GBE1: variants seen among roughly 807,000 people sequenced by gnomAD.
The protein encoded by GBE1 is 1,4-alpha-glucan-branching enzyme.
Under a neutral mutation model 88.8 loss-of-function variants are expected in GBE1, and 70 were observed. The observed-to-expected ratio is 0.79, with a 90% confidence interval of 0.65 to 0.96. The LOEUF is 0.96. Among genes scored for constraint, GBE1 ranks in the 40% least tolerant of loss-of-function variants. The pLI, the probability that GBE1 is intolerant of heterozygous loss-of-function variation, is 0.00. For missense variants in GBE1, 872 were observed against 871.0 expected (o/e 1.00, Z -0.01); for synonymous variants, 284 against 300.1 (o/e 0.95, Z 0.56).
intron 14 of GBE1, among the ~76,000 whole-genome samples, chr3:81,500,559 T>G (rs1169728086): frequency 1.3e-5 from 2 of 152,194 alleles, no homozygotes; most frequent in East Asian, 1.9e-4. Context: ...AAAATACCAA[T>G]TAATGAATTA....
chr3:81,574,571 T>C (rs1179802760), intron 12 of GBE1, among the ~76,000 whole-genome samples: 7 of 152,206 alleles, frequency 4.6e-5, no homozygotes, highest in African/African-American at 9.7e-5. Flanking sequence ...CATGTATTTG[T>C]GGCTAACTAA....
At chr3:81,723,304 TG>T (rs1214701054) in intron 1 of GBE1, among the ~76,000 whole-genome samples, 1 of 150,636 alleles carries the variant, frequency 6.6e-6, no homozygotes, top group Non-Finnish European at 1.5e-5. Context: ...GGTTTCACCA[TG>T]TTAGCCAGGA....
intron 5 of GBE1, among the ~76,000 whole-genome samples, chr3:81,646,697 T>A (rs569020850): frequency 6.6e-6 from 1 of 152,320 alleles, no homozygotes; most frequent in Non-Finnish European, 1.5e-5. Context: ...AGCTATTTGA[T>A]ATAGCTTCAT....
intron 10 of GBE1, 81 bp from the exon 11 acceptor site, chr3:81,581,356 T>G: frequency 1.3e-6 from 1 of 764,694 alleles, no homozygotes; most frequent in Non-Finnish European, 2.1e-6. Context: ...AGTTATGCAT[T>G]ATATCAGTGC....
chr3:81,551,833 C>T (rs1428426196), intron 12 of GBE1, among the ~76,000 whole-genome samples: 1 of 152,178 alleles, frequency 6.6e-6, no homozygotes, highest in African/African-American at 2.4e-5. Context: ...ATTCAGGGTT[C>T]ACAGTGATAT....
intron 2 of GBE1, among the ~76,000 whole-genome samples, chr3:81,674,748 T>A (rs916882805): frequency 6.6e-6 from 1 of 151,858 alleles, no homozygotes; most frequent in Admixed American, 6.6e-5. Flanking sequence ...TATAAAAAAA[T>A]CAGGTTACTC....
intron 2 of GBE1, among the ~76,000 whole-genome samples, chr3:81,702,122 TG>T (rs1705702356): frequency 7.3e-6 from 1 of 137,412 alleles, no homozygotes; most frequent in Non-Finnish European, 1.6e-5. Context: ...TGTGTGTGTG[TG>T]TGTGTGTGTG....
In GBE1 at chr3:81,511,666, T is replaced by C. The variant is rs1702726845; in HGVS notation, c.1935-12439A>G. Among the ~76,000 whole-genome samples the C allele has an allele frequency of 2.6e-5, 4 of 151,972 alleles. No homozygotes were observed. In the South Asian group the frequency reaches 8.3e-4, roughly 32 times the overall value. The stretch of plus-strand genomic sequence containing the variant: ...TTTACACCAGACACAATGGCTATTA[T>C]TAAAAAGTCAAAAAACAACAGATGC... On this transcript the variant is annotated intron_variant, in intron 14 of 15. Transcript: ENST00000429644.
At chr3:81,526,527 A>C (rs1296085971) in intron 14 of GBE1, among the ~76,000 whole-genome samples, 2 of 152,142 alleles carry the variant, frequency 1.3e-5, no homozygotes, top group Non-Finnish European at 2.9e-5. Context: ...GCAAAGTCTC[A>C]GGATGCAAAA....
At chr3:81,521,038 T>C (rs1369448479) in intron 14 of GBE1, among the ~76,000 whole-genome samples, 1 of 151,522 alleles carries the variant, frequency 6.6e-6, no homozygotes, top group Non-Finnish European at 1.5e-5. Flanking sequence ...TAGTGTTTCT[T>C]CTACCTTGCC....
rs182603101 is a variant in GBE1, at chr3:81,525,028, C to G, written c.1934+10167G>C. 1.3e-5 allele frequency among the ~76,000 whole-genome samples: 2 copies of G among 151,918 alleles called. 1 individual carries two copies. The highest frequency in any genetic ancestry group is 3.9e-4 in the East Asian group (2 of 5,130). ...GTATGGTCATTGGTATACGGCCATTCAGGAATATATTGTTCTATTTGAATG... is the reference window on the plus strand; with the variant it reads ...GTATGGTCATTGGTATACGGCCATTGAGGAATATATTGTTCTATTTGAATG... On this transcript the variant is annotated intron_variant, in intron 14 of 15. Transcript: ENST00000429644.
chr3:81,544,822 G>A (rs1703184650), intron 12 of GBE1, among the ~76,000 whole-genome samples: 1 of 152,138 alleles, frequency 6.6e-6, no homozygotes, highest in South Asian at 2.1e-4. Flanking sequence ...CTGGTACAGT[G>A]ATGAAATTCA....
chr3:81,756,264 T>C (rs1011229046), intron 1 of GBE1, among the ~76,000 whole-genome samples: 9 of 152,174 alleles, frequency 5.9e-5, no homozygotes, highest in African/African-American at 1.9e-4. Flanking sequence ...GAGCATATAT[T>C]CCCCTTACCC....
chr3:81,702,098 AGAGAGT>A lies in GBE1; in HGVS notation c.313+3340_313+3345del, dbSNP rs1403555431. Among the ~76,000 whole-genome samples, 13 of 40,782 alleles carry A rather than the reference AGAGAGT, an allele frequency of 3.2e-4. No homozygotes were observed. In the South Asian group the frequency reaches 4.0e-3, roughly 13 times the overall value. 26.8% of individuals were successfully genotyped at this position (40,782 alleles called of 152,430 possible). A position where few individuals can be genotyped will look rare whatever the true frequency, so the allele number is the denominator to read the frequency against. On this transcript the variant is annotated intron_variant, in intron 2 of 15. Transcript: ENST00000429644. ...AGAATCCCTGGAGAGAGAGAGAGAG[AGAGAGT>A]GTGTGTGTGTGTGTGTGTGTGTGTG... is the stretch of plus-strand genomic sequence containing the variant.
chr3:81,507,947 G>A (rs1702676114), intron 14 of GBE1, among the ~76,000 whole-genome samples: 1 of 152,156 alleles, frequency 6.6e-6, no homozygotes, highest in African/African-American at 2.4e-5. Context: ...CTGCAAGTAT[G>A]CTTCTTCGGC....
At chr3:81,640,880 T>G (rs913009998) in intron 7 of GBE1, among the ~76,000 whole-genome samples, 19 of 152,050 alleles carry the variant, frequency 1.2e-4, no homozygotes, top group African/African-American at 4.1e-4. Flanking sequence ...ATAGGATGCT[T>G]TATTTACCAA....
At chr3:81,579,126 T>C (rs964102477) in intron 11 of GBE1, among the ~76,000 whole-genome samples, 2 of 152,028 alleles carry the variant, frequency 1.3e-5, no homozygotes, top group African/African-American at 4.8e-5. Flanking sequence ...CTTATTCTCA[T>C]ACCAAGTTGC....
intron 1 of GBE1, among the ~76,000 whole-genome samples, chr3:81,754,298 A>T (rs1413272978): frequency 6.6e-6 from 1 of 152,166 alleles, no homozygotes; most frequent in African/African-American, 2.4e-5. Context: ...CTCTGATGAA[A>T]GAAATACAAG....
intron 7 of GBE1, among the ~76,000 whole-genome samples, chr3:81,631,942 A>G (rs1704518974): frequency 6.6e-6 from 1 of 152,030 alleles, no homozygotes; most frequent in South Asian, 2.1e-4. Context: ...ATTTCTCCAA[A>G]TGCTATCCCT....
Sources: allele counts gnomAD v4.1 joint callset (sites outside exome capture counted in the v4.1 genomes callset), GRCh38; gene constraint gnomAD v4.1.1; transcripts MANE v1.5; gene names NCBI Gene and HGNC (gene_info 2026-07-23, HGNC 2026-07-21).